Variants in USH2A observed in about 807,000 individuals in gnomAD.
USH2A encodes Usher syndrome 2A (autosomal recessive, mild).
A neutral mutation model predicts 538.9 loss-of-function variants in USH2A; 443 were observed. That is an observed-to-expected ratio of 0.82 (90% CI 0.76 to 0.89). The LOEUF is 0.89. Among genes scored for constraint, USH2A ranks in the 40% least tolerant of loss-of-function variants. USH2A has a pLI of 0.00. For missense variants in USH2A, 6,633 were observed against 6,324.8 expected (o/e 1.05, Z -1.65); for synonymous variants, 2,413 against 2,273.5 (o/e 1.06, Z -1.75).
chr1:215,919,031 T>C (rs1045389928), intron 38 of USH2A, among the ~76,000 whole-genome samples: 8 of 152,098 alleles, frequency 5.3e-5, no homozygotes, highest in Non-Finnish European at 1.2e-4. Flanking sequence ...TAAATTGGAA[T>C]ACTTATTTGT....
chr1:216,203,800 G>A (rs370006633), intron 16 of USH2A, among the ~76,000 whole-genome samples: 16 of 152,104 alleles, frequency 1.1e-4, no homozygotes, highest in African/African-American at 1.4e-4. Context: ...CTTAAACTAC[G>A]ATAATATCTG....
At chr1:215,845,354 T>C (rs1018219251) in intron 45 of USH2A, among the ~76,000 whole-genome samples, 1 of 152,006 alleles carries the variant, frequency 6.6e-6, no homozygotes, top group Non-Finnish European at 1.5e-5. Flanking sequence ...GATTCACAAG[T>C]TGCTTCCCTT....
chr1:216,201,383 A>G (rs576336422), intron 16 of USH2A, among the ~76,000 whole-genome samples: 1 of 148,370 alleles, frequency 6.7e-6, no homozygotes, highest in Middle Eastern at 3.5e-3. Flanking sequence ...ATCTCGGCTC[A>G]CTGCAACTTC....
chr1:216,090,050 T>A (rs17026057), intron 22 of USH2A, among the ~76,000 whole-genome samples: 1 of 151,962 alleles, frequency 6.6e-6, no homozygotes, highest in Non-Finnish European at 1.5e-5. Flanking sequence ...TGGGAATGAA[T>A]TTTCTTCTTA....
In USH2A at chr1:215,662,832, A is replaced by G. The variant is rs899171760; in HGVS notation, c.14133+8140T>C. 2.6e-5 allele frequency among the ~76,000 whole-genome samples: 4 copies of G among 152,192 alleles called. No individual in the cohort carries two copies. The East Asian group carries it at 5.8e-4, about 22-fold the overall frequency. On this transcript the variant is annotated intron_variant, in intron 64 of 71. Transcript: ENST00000307340. ...AAACCTCCATGCTGGTCGGAAATACATTAGTGAGATTAATACCTAATTAAA... is the reference window on the plus strand; with the variant it reads ...AAACCTCCATGCTGGTCGGAAATACGTTAGTGAGATTAATACCTAATTAAA...
chr1:216,326,287 C>G (rs1321019609), intron 5 of USH2A, among the ~76,000 whole-genome samples: 1 of 152,206 alleles, frequency 6.6e-6, no homozygotes, highest in Non-Finnish European at 1.5e-5. Flanking sequence ...CATTCTTCCA[C>G]ATAGCACCTT....
At position 215,675,379 on chromosome 1, in the gene USH2A, G is replaced by T; in HGVS notation, c.12532C>A (p.Pro4178Thr). 6.2e-7 allele frequency: 1 copy of T among 1,614,098 alleles called. No individual in the cohort carries two copies. The highest frequency in any genetic ancestry group is 8.5e-7 in the Non-Finnish European group (1 of 1,180,006). The part of the protein sequence containing the change: ...STSVELSWSE[P>T]VNPNGKIIRY... ...ATTATTTTTCCATTTGGGTTAACAG[G>T]CTCAGACCAGCTCAGCTCAACACTG... The change falls in exon 63 of 72, where the codon CCT becomes ACT. Residue 4178 changes from proline to threonine, a missense_variant. Physicochemically the swap from Pro to Thr is conservative, Grantham distance 38. Coordinates refer to ENST00000307340, the MANE Select transcript of USH2A (RefSeq NM_206933.4).
At chr1:216,152,152 C>T (rs573094117) in intron 21 of USH2A, among the ~76,000 whole-genome samples, 165 of 152,206 alleles carry the variant, frequency 1.1e-3, no homozygotes, top group African/African-American at 3.8e-3. Context: ...AAATTTTCGC[C>T]GCCCCAACAC....
At position 215,817,161 on chromosome 1, in the gene USH2A, G is replaced by T. The variant is rs891860383; in HGVS notation, c.9406C>A (p.Pro3136Thr). ...TCATATCCAAGAATGATGCCATTTG[G>T]CTTCCGTGGAGACACCCAATCAATT... ...LQIDWVSPRK[P>T]NGIILGYDLL... Residue 3136 changes from proline (P) to threonine (T), a missense_variant, in exon 48 of 72, where the codon CCA becomes ACA. Physicochemically the swap from Pro to Thr is conservative, Grantham distance 38. Transcript: ENST00000307340. 6.2e-7 allele frequency: 1 copy of T among 1,612,432 alleles called. No individual in the cohort carries two copies. The highest frequency in any genetic ancestry group is 1.7e-5 in the Admixed American group (1 of 59,878).
intron 32 of USH2A, among the ~76,000 whole-genome samples, chr1:216,020,479 T>G (rs1164940498): frequency 6.6e-6 from 1 of 152,184 alleles, no homozygotes; most frequent in African/African-American, 2.4e-5. Context: ...TCTGCTGGCC[T>G]GCAGTGATAT....
intron 13 of USH2A, 92 bp from the exon 14 acceptor site, chr1:216,232,228 C>T: frequency 7.3e-7 from 1 of 1,373,240 alleles, no homozygotes; most frequent in Non-Finnish European, 9.9e-7. Flanking sequence ...AAACAGAATA[C>T]TCTACCAAGG....
chr1:215,985,267 C>T (rs1250342211), intron 35 of USH2A, among the ~76,000 whole-genome samples: 1 of 152,126 alleles, frequency 6.6e-6, no homozygotes, highest in Non-Finnish European at 1.5e-5. Flanking sequence ...AAAACCAGAA[C>T]ACAGATCTTA....
At chr1:216,320,372 T>C (rs2037582388) in intron 9 of USH2A, among the ~76,000 whole-genome samples, 1 of 152,172 alleles carries the variant, frequency 6.6e-6, no homozygotes, top group Non-Finnish European at 1.5e-5. Context: ...ATAAACCTCT[T>C]TTCTTTATAT....
intron 50 of USH2A, among the ~76,000 whole-genome samples, chr1:215,791,512 C>G (rs11120631): frequency 0.42 from 64,093 of 151,976 alleles, 13,760 homozygotes; most frequent in East Asian, 0.63. Context: ...CTCCAAAGAA[C>G]CCTCTCATTC....
At chr1:216,147,344 A>T (rs1215446442) in intron 21 of USH2A, among the ~76,000 whole-genome samples, 1 of 152,128 alleles carries the variant, frequency 6.6e-6, no homozygotes, top group African/African-American at 2.4e-5. Flanking sequence ...TCGTTCCGTG[A>T]CTAGCCCTCC....
chr1:216,157,159 C>T (rs766419882), intron 21 of USH2A, among the ~76,000 whole-genome samples: 8 of 152,182 alleles, frequency 5.3e-5, no homozygotes, highest in Non-Finnish European at 1.0e-4. Flanking sequence ...GTGTGAGCCA[C>T]CGCGCCCAGC....
At chr1:216,081,439 A>T (rs2031938257) in intron 26 of USH2A, among the ~76,000 whole-genome samples, 1 of 152,142 alleles carries the variant, frequency 6.6e-6, no homozygotes, top group Non-Finnish European at 1.5e-5. Flanking sequence ...AGAGTTGTTG[A>T]GGGGTAATCT....
intron 21 of USH2A, among the ~76,000 whole-genome samples, chr1:216,142,711 A>T (rs2033624591): frequency 6.6e-6 from 1 of 152,206 alleles, no homozygotes; most frequent in Non-Finnish European, 1.5e-5. Context: ...TTTAATGCAA[A>T]TATAAACTTG....
At chr1:215,676,374 GAAGT>G (rs961895102) in intron 62 of USH2A, among the ~76,000 whole-genome samples, 2 of 152,054 alleles carry the variant, frequency 1.3e-5, no homozygotes, top group African/African-American at 4.8e-5. Context: ...TGAAAGATGG[GAAGT>G]AAGTTAATCT....
Sources: allele counts gnomAD v4.1 joint callset (sites outside exome capture counted in the v4.1 genomes callset), GRCh38; gene constraint gnomAD v4.1.1; transcripts MANE v1.5; gene names NCBI Gene and HGNC (gene_info 2026-07-23, HGNC 2026-07-21).